SLC6A9: variants seen among roughly 807,000 people sequenced by gnomAD.
SLC6A9 encodes solute carrier family 6 member 9.
A neutral mutation model predicts 70.9 loss-of-function variants in SLC6A9; 31 were observed. The observed-to-expected ratio is 0.44, with a 90% CI of 0.33 to 0.59. The LOEUF is 0.59. SLC6A9 is among the 20% of genes least tolerant of loss of function. The pLI, the probability that SLC6A9 is intolerant of heterozygous loss-of-function variation, is 0.04. For missense variants in SLC6A9, 631 were observed against 845.2 expected (o/e 0.75, Z 3.14); for synonymous variants, 310 against 341.3 (o/e 0.91, Z 1.01).
At chr1:44,019,010 T>C (rs2086831051) in intron 2 of SLC6A9, among the ~76,000 whole-genome samples, 1 of 152,240 alleles carries the variant, frequency 6.6e-6, no homozygotes, top group South Asian at 2.1e-4. Flanking sequence ...GTTCAAACCC[T>C]AGCTTTGTCA....
rs199917588 is a variant in SLC6A9 at position 44,001,015 on chromosome 1, G to A, written c.1376C>T (p.Ala459Val). Residue 459 changes from alanine (A) to valine (V), a missense_variant, in exon 11 of 14, where the codon GCC becomes GTC. Ala to Val is a moderately conservative substitution (Grantham distance 64). Coordinates refer to ENST00000372310, the MANE Select transcript of SLC6A9 (RefSeq NM_001024845.3). ...GGAGATGACCACCAAGGAGAAGCTGGCCGCATAGTTGTCCATCAGCAGCAG... is the reference window on the plus strand; with the variant it reads ...GGAGATGACCACCAAGGAGAAGCTGACCGCATAGTTGTCCATCAGCAGCAG... ...YWLLLMDNYA[A>V]SFSLVVISCI... The A allele has an allele frequency of 1.6e-5, 26 of 1,580,916 alleles. No homozygotes were observed. Among genetic ancestry groups the A allele is most frequent in the Non-Finnish European group, 2.0e-5 (23 of 1,161,596 alleles).
At chr1:44,020,326 CATT>C (rs2086857942) in intron 2 of SLC6A9, among the ~76,000 whole-genome samples, 1 of 152,158 alleles carries the variant, frequency 6.6e-6, no homozygotes, top group Non-Finnish European at 1.5e-5. Context: ...AGACAGCACT[CATT>C]GTGTGTCAGC....
At chr1:44,009,859 C>A in intron 4 of SLC6A9, 106 bp downstream of exon 4, 3 of 1,345,024 alleles carry the variant, frequency 2.2e-6, no homozygotes, top group Non-Finnish European at 3.1e-6. Flanking sequence ...AGCATCAGGG[C>A]TCTACAGAGG....
chr1:44,024,386 G>T lies in SLC6A9; in HGVS notation c.-85-24C>A. 9 of 1,416,454 alleles carry T rather than the reference G, an allele frequency of 6.4e-6. No individual in the cohort carries two copies. In the South Asian group the frequency reaches 8.1e-5, roughly 13 times the overall value. 87.7% of individuals were successfully genotyped at this position (1,416,454 alleles called of 1,614,324 possible). On this transcript the variant is annotated intron_variant, in intron 1 of 13. Transcript: ENST00000372310. ...AGCTGTGGAGAGAGCAGAGGGTGAG[G>T]TGAGGACTTGGCCGTGTGGCCCACA...
At chr1:44,017,567 C>T (rs1444712030) in intron 2 of SLC6A9, among the ~76,000 whole-genome samples, 3 of 152,134 alleles carry the variant, frequency 2.0e-5, no homozygotes, top group Non-Finnish European at 2.9e-5. Context: ...GGATGGTGAC[C>T]GGCAGGAGGA....
chr1:44,021,522 T>C (rs2086883930), intron 2 of SLC6A9, among the ~76,000 whole-genome samples: 1 of 152,190 alleles, frequency 6.6e-6, no homozygotes, highest in South Asian at 2.1e-4. Flanking sequence ...GCCAGTGTCC[T>C]CACACCCAAA....
chr1:44,007,495 G>C (rs556244343), intron 5 of SLC6A9, among the ~76,000 whole-genome samples: 2 of 152,328 alleles, frequency 1.3e-5, no homozygotes, highest in Admixed American at 1.3e-4. Context: ...CTGAGACTCT[G>C]GTCTCTGTCG....
chr1:44,027,818 A>G (rs1470947573), intron 1 of SLC6A9, among the ~76,000 whole-genome samples: 1 of 152,126 alleles, frequency 6.6e-6, no homozygotes, highest in African/African-American at 2.4e-5. Context: ...TCTACTAAAA[A>G]CACAAAATTA....
chr1:44,016,982 G>T, intron 2 of SLC6A9: 3 of 1,492,520 alleles, frequency 2.0e-6, no homozygotes, highest in Non-Finnish European at 2.7e-6. Flanking sequence ...CTCCCCATCC[G>T]CAGCCCAGCC....
intron 2 of SLC6A9, among the ~76,000 whole-genome samples, chr1:44,012,651 G>T (rs954611750): frequency 1.3e-5 from 2 of 152,252 alleles, no homozygotes; most frequent in African/African-American, 4.8e-5. Context: ...GGGGTGCAAT[G>T]AAATGTATAC....
chr1:44,001,120 G>A (rs144647443), intron 10 of SLC6A9, 44 bp downstream of exon 10: 443 of 1,613,716 alleles, frequency 2.7e-4, no homozygotes, highest in Non-Finnish European at 3.6e-4. Context: ...TTCCCTGCAC[G>A]TCCTGGCAAC....
intron 1 of SLC6A9, among the ~76,000 whole-genome samples, chr1:44,029,791 C>T (rs112113495): frequency 2.3e-4 from 35 of 152,320 alleles, no homozygotes; most frequent in African/African-American, 7.5e-4. Context: ...GTTTTCTCTG[C>T]GGTCCTTGGA....
intron 3 of SLC6A9, chr1:44,010,334 G>A (rs2086500710): frequency 1.9e-6 from 1 of 523,092 alleles, no homozygotes; most frequent in Non-Finnish European, 3.4e-6. Context: ...CTCCATACTT[G>A]GGTGGGATTT....
chr1:44,004,894 A>G (rs182354839), intron 5 of SLC6A9, among the ~76,000 whole-genome samples: 3 of 152,336 alleles, frequency 2.0e-5, no homozygotes, highest in African/African-American at 7.2e-5. Context: ...CGTTGCTTTA[A>G]AAATGTCTCC....
chr1:44,025,150 C>T lies in SLC6A9; in HGVS notation c.-85-788G>A, dbSNP rs1010480566. Among the ~76,000 whole-genome samples the T allele has an allele frequency of 5.0e-5, 5 of 99,642 alleles. No homozygotes were observed. The East Asian group carries it at 1.1e-3, about 22-fold the overall frequency. 65.4% of individuals were successfully genotyped at this position (99,642 alleles called of 152,430 possible). ...CTTGGGACTGTGTTTCTTTTACCCT[C>T]TGTGCCCAGCATGTAGCACAGCACT... On this transcript the variant is annotated intron_variant, in intron 1 of 13. Transcript: ENST00000372310.
intron 2 of SLC6A9, chr1:44,017,397 A>G (rs1309598535): frequency 8.2e-7 from 1 of 1,222,448 alleles, no homozygotes; most frequent in Non-Finnish European, 1.0e-6. Flanking sequence ...ACACACACAC[A>G]CACACACACA....
intron 12 of SLC6A9, 71 bp downstream of exon 12, chr1:44,000,696 G>A (rs1428554383): frequency 6.8e-6 from 7 of 1,022,656 alleles, no homozygotes; most frequent in Admixed American, 2.1e-5. Flanking sequence ...CTGTCCCTCC[G>A]CTGGGTCCCA....
intron 2 of SLC6A9, chr1:44,014,682 A>C (rs1381862337): frequency 6.6e-6 from 1 of 151,900 alleles, no homozygotes; most frequent in East Asian, 1.9e-4. Flanking sequence ...CCTGGAATTA[A>C]GGCTGCTCAG....
chr1:44,030,610 C>T (rs1335497392), intron 1 of SLC6A9: 1 of 152,450 alleles, frequency 6.6e-6, no homozygotes, highest in Non-Finnish European at 1.5e-5. Context: ...GTAGCAACCC[C>T]CAGAGAACTC....
Sources: gnomAD v4.1 joint callset for allele counts (sites outside exome capture counted in the v4.1 genomes callset) on GRCh38, gnomAD v4.1.1 for gene constraint, MANE v1.5 for transcripts, NCBI Gene and HGNC (gene_info 2026-07-23, HGNC 2026-07-21) for gene names.